Variants in FHIP1A observed in about 807,000 individuals in gnomAD.
The protein encoded by FHIP1A is FHF complex subunit HOOK interacting protein 1A.
Under a neutral mutation model 88.6 loss-of-function variants are expected in FHIP1A, and 61 were observed. The observed-to-expected ratio is 0.69, with a 90% confidence interval of 0.56 to 0.85. The LOEUF is 0.85. FHIP1A is among the 40% of genes least tolerant of loss of function. FHIP1A has a pLI of 0.00. For synonymous variants in FHIP1A, 478 were observed against 496.0 expected (o/e 0.96, Z 0.48); for missense variants, 1,154 against 1,273.5 (o/e 0.91, Z 1.43).
At chr4:151,519,287 A>T (rs1731368307) in intron 3 of FHIP1A, among the ~76,000 whole-genome samples, 1 of 152,026 alleles carries the variant, frequency 6.6e-6, no homozygotes, top group African/African-American at 2.4e-5. Context: ...AATTTTTTCC[A>T]CCATAGGTTA....
At chr4:151,648,566 G>T (rs1178028638) in intron 10 of FHIP1A, among the ~76,000 whole-genome samples, 1 of 152,074 alleles carries the variant, frequency 6.6e-6, no homozygotes, top group Admixed American at 6.6e-5. Context: ...ATGGAGGTTG[G>T]TGTGAAATTG....
At chr4:151,612,655 T>C (rs1446097393) in intron 7 of FHIP1A, among the ~76,000 whole-genome samples, 1 of 152,202 alleles carries the variant, frequency 6.6e-6, no homozygotes, top group Non-Finnish European at 1.5e-5. Flanking sequence ...GTGTTGGGAT[T>C]ACAGGCGTGA....
At chr4:151,658,495 G>A (rs746829660) in intron 13 of FHIP1A, among the ~76,000 whole-genome samples, 3 of 152,308 alleles carry the variant, frequency 2.0e-5, no homozygotes, top group Admixed American at 6.5e-5. Flanking sequence ...ATTAGCCCAG[G>A]CTGGTCCATG....
chr4:151,473,400 G>A (rs1051879581), intron 2 of FHIP1A, among the ~76,000 whole-genome samples: 2 of 151,668 alleles, frequency 1.3e-5, no homozygotes, highest in Admixed American at 6.6e-5. Context: ...TTCTGAACTG[G>A]TGCAGTTGTC....
intron 2 of FHIP1A, among the ~76,000 whole-genome samples, chr4:151,462,138 G>A (rs1375524911): frequency 1.3e-5 from 2 of 152,132 alleles, no homozygotes; most frequent in South Asian, 2.1e-4. Flanking sequence ...TCCAGCCTGG[G>A]CAACAGAGTG....
chr4:151,641,949 GATAA>G (rs1578852718), intron 9 of FHIP1A, among the ~76,000 whole-genome samples: 1 of 152,150 alleles, frequency 6.6e-6, no homozygotes, highest in African/African-American at 2.4e-5. Flanking sequence ...TTTGTTATGT[GATAA>G]ATAAATAATG....
chr4:151,590,781 T>C (rs1045721253), intron 7 of FHIP1A, among the ~76,000 whole-genome samples: 1 of 152,206 alleles, frequency 6.6e-6, no homozygotes, highest in Admixed American at 6.5e-5. Context: ...TTATGTAATA[T>C]CCTCAGTTGT....
At chr4:151,469,452 A>G (rs1729436475) in intron 2 of FHIP1A, among the ~76,000 whole-genome samples, 2 of 152,192 alleles carry the variant, frequency 1.3e-5, no homozygotes, top group South Asian at 2.1e-4. Context: ...GCAGGAGGAT[A>G]TTAGCCCTAT....
Position 151,656,746 on chromosome 4 carries a change from G to A in FHIP1A, c.2731-14G>A. 6.5e-7 allele frequency: 1 copy of A among 1,548,112 alleles called. No homozygotes were observed. Among genetic ancestry groups the A allele is most frequent in the Non-Finnish European group, 8.7e-7 (1 of 1,145,324 alleles). On this transcript the variant is annotated splice_polypyrimidine_tract_variant and intron_variant, in intron 12 of 13. Transcript: ENST00000435205. The surrounding 1 kb of genome is among the most constrained non-coding windows in gnomAD (Gnocchi z 4.2). ...ATGGTGAGGCATTAACATCAGTAAT[G>A]CTGTTTTTGACAGGTCCTTGCATCT...
intron 3 of FHIP1A, among the ~76,000 whole-genome samples, chr4:151,518,402 G>C (rs937451382): frequency 6.6e-6 from 1 of 151,952 alleles, no homozygotes; most frequent in Admixed American, 6.6e-5. Flanking sequence ...ATCATGTAAG[G>C]ATGCGTTTCT....
At chr4:151,420,369 T>G (rs1430794432) in intron 1 of FHIP1A, among the ~76,000 whole-genome samples, 1 of 148,968 alleles carries the variant, frequency 6.7e-6, no homozygotes, top group Non-Finnish European at 1.5e-5. Flanking sequence ...TCATGTGTTT[T>G]TTGGCTGCAT....
chr4:151,653,375 T>TCTCCCC (rs1168991290), intron 11 of FHIP1A, among the ~76,000 whole-genome samples: 1 of 151,856 alleles, frequency 6.6e-6, no homozygotes, highest in African/African-American at 2.4e-5. Context: ...TCTCTCTCTC[T>TCTCCCC]CTCCCCCTCC....
At chr4:151,476,114 C>G (rs28712546) in intron 2 of FHIP1A, among the ~76,000 whole-genome samples, 56,946 of 150,176 alleles carry the variant, frequency 0.38, 11,052 homozygotes, top group Non-Finnish European at 0.43. Context: ...CCTGCCTTGG[C>G]CTCCCAAAGT....
At chr4:151,611,950 C>G (rs968246924) in intron 7 of FHIP1A, among the ~76,000 whole-genome samples, 2 of 152,116 alleles carry the variant, frequency 1.3e-5, no homozygotes, top group Non-Finnish European at 2.9e-5. Flanking sequence ...AGATTCTTGC[C>G]AAATCTAAGT....
In FHIP1A at chr4:151,577,974, A is replaced by T; in HGVS notation, c.630A>T (p.Ser210=). ...TTCCCTTCATTCACCGAGAGGGGTCAGTAGGCCAGCAAGCTCGGGATGCAT... is the reference window on the plus strand; with the variant it reads ...TTCCCTTCATTCACCGAGAGGGGTCTGTAGGCCAGCAAGCTCGGGATGCAT... The part of the protein sequence containing the change: ...LLIPFIHREG[S]VGQQARDALL... The change falls in exon 5 of 14, where the codon TCA becomes TCT. Residue 210 remains serine, a synonymous_variant. Coordinates refer to ENST00000435205, the MANE Select transcript of FHIP1A (RefSeq NM_001109977.3). 6.4e-7 allele frequency: 1 copy of T among 1,551,234 alleles called. No homozygotes were observed.
chr4:151,548,479 T>C (rs1307195450), intron 3 of FHIP1A, among the ~76,000 whole-genome samples: 1 of 152,090 alleles, frequency 6.6e-6, no homozygotes, highest in Non-Finnish European at 1.5e-5. Context: ...ACCTTGCTGA[T>C]AAAACAGGTT....
intron 1 of FHIP1A, among the ~76,000 whole-genome samples, chr4:151,440,446 A>C (rs945445827): frequency 1.3e-5 from 2 of 152,148 alleles, no homozygotes; most frequent in Admixed American, 1.3e-4. Context: ...CTACTGGACA[A>C]TTTCTAGTAG....
Position 151,668,618 on chromosome 4 carries a change from T to C in FHIP1A, c.*5864T>C, listed in dbSNP as rs2126944661. Among the ~76,000 whole-genome samples the C allele has an allele frequency of 1.3e-5, 2 of 152,346 alleles. No individual in the cohort carries two copies. The highest frequency in any genetic ancestry group is 6.8e-3 in the Middle Eastern group (2 of 294). On this transcript the variant is annotated 3_prime_UTR_variant, in exon 14 of 14. Transcript: ENST00000435205. ...CAAACAGCTCCTTTCTAGACCCAGA[T>C]GACCCAGAACGCAGAAGCCTAGTAG...
intron 2 of FHIP1A, among the ~76,000 whole-genome samples, chr4:151,461,762 G>C (rs1378434084): frequency 1.3e-5 from 2 of 152,234 alleles, no homozygotes; most frequent in South Asian, 4.1e-4. Context: ...CTGTGTAAGT[G>C]ATTGGATAGC....
Sources: gnomAD v4.1 joint callset for allele counts (sites outside exome capture counted in the v4.1 genomes callset) on GRCh38, gnomAD v4.1.1 for gene constraint, Gnocchi (gnomAD v3.1) non-coding constraint, MANE v1.5 for transcripts, NCBI Gene and HGNC (gene_info 2026-07-23, HGNC 2026-07-21) for gene names.